The following FAM114A1 variants were observed in gnomAD, a reference collection of about 807,000 sequenced individuals.
FAM114A1 encodes the protein family with sequence similarity 114 member A1.
A neutral mutation model predicts 64.3 loss-of-function variants in FAM114A1; 62 were observed. The observed-to-expected ratio is 0.96, with a 90% CI of 0.79 to 1.19. FAM114A1 has a LOEUF of 1.19. FAM114A1 is among the 50% of genes most tolerant of loss of function. The pLI, the probability that FAM114A1 is intolerant of heterozygous loss-of-function variation, is 0.00. For synonymous variants in FAM114A1, 254 were observed against 251.1 expected (o/e 1.01, Z -0.11); for missense variants, 645 against 676.3 (o/e 0.95, Z 0.51).
chr4:38,890,750 C>CATTT (rs1716284620), intron 3 of FAM114A1, among the ~76,000 whole-genome samples: 1 of 152,162 alleles, frequency 6.6e-6, no homozygotes, highest in Non-Finnish European at 1.5e-5. Context: ...GAGTTTCAGC[C>CATTT]ATTTATTCAA....
At chr4:38,941,158 A>T in intron 14 of FAM114A1, 137 bp downstream of exon 14, 1 of 725,914 alleles carries the variant, frequency 1.4e-6, no homozygotes, top group Non-Finnish European at 2.3e-6. Context: ...TTTTGAGTAA[A>T]TTTGTGTAGC....
At position 38,922,834 on chromosome 4, in the gene FAM114A1, C is replaced by G. The variant is rs775662959; in HGVS notation, c.1010C>G (p.Ser337Cys). Residue 337 changes from serine (S) to cysteine (C), a missense_variant, in exon 9 of 15, where the codon TCC becomes TGC. Ser to Cys is a moderately radical substitution (Grantham distance 112, BLOSUM62 -1). Transcript: ENST00000358869. ...KLELLKNDLI[S>C]IKDIFAAKEL... is the part of the protein sequence containing the mutation. ...GAACTCTTAAAAAATGACCTAATTT[C>G]CATTAAAGACATCTTTGCAGCCAAA... 6.2e-7 allele frequency: 1 copy of G among 1,613,498 alleles called. No homozygotes were observed. The highest frequency in any genetic ancestry group is 8.5e-7 in the Non-Finnish European group (1 of 1,179,816).
At chr4:38,874,925 T>C (rs1714462209) in intron 2 of FAM114A1, among the ~76,000 whole-genome samples, 1 of 152,230 alleles carries the variant, frequency 6.6e-6, no homozygotes, top group Non-Finnish European at 1.5e-5. Context: ...ATTTATTGAA[T>C]AGGGAGTCCG....
At chr4:38,880,774 T>C (rs1715183716) in intron 3 of FAM114A1, among the ~76,000 whole-genome samples, 2 of 152,234 alleles carry the variant, frequency 1.3e-5, no homozygotes, top group Admixed American at 1.3e-4. Context: ...GCCACACCAT[T>C]ATCACCTAAG....
intron 4 of FAM114A1, among the ~76,000 whole-genome samples, chr4:38,901,168 A>G (rs1459519144): frequency 1.3e-5 from 2 of 152,240 alleles, no homozygotes; most frequent in Non-Finnish European, 2.9e-5. Flanking sequence ...ATCCTTTAGC[A>G]TATGGGACCA....
intron 8 of FAM114A1, among the ~76,000 whole-genome samples, chr4:38,915,741 AGTGGTGTGTGT>A (rs1302328376): frequency 7.4e-6 from 1 of 134,730 alleles, no homozygotes; most frequent in African/African-American, 2.9e-5. Flanking sequence ...AAGCATCTAT[AGTGGTGTGTGT>A]GTGTGTGTGT....
intron 4 of FAM114A1, 96 bp from the exon 5 acceptor site, chr4:38,905,426 C>A: frequency 1.1e-5 from 9 of 848,376 alleles, no homozygotes; most frequent in African/African-American, 3.4e-5. Flanking sequence ...GAAAGATGTA[C>A]TTCTGCAACT....
At chr4:38,940,165 G>T (rs1020688009) in intron 13 of FAM114A1, among the ~76,000 whole-genome samples, 3 of 152,124 alleles carry the variant, frequency 2.0e-5, no homozygotes, top group Admixed American at 1.3e-4. Flanking sequence ...TGCTGGGACT[G>T]CAGGCTTGAG....
At chr4:38,903,984 T>C (rs968166151) in intron 4 of FAM114A1, among the ~76,000 whole-genome samples, 1 of 152,208 alleles carries the variant, frequency 6.6e-6, no homozygotes, top group South Asian at 2.1e-4. Context: ...TGCTACTCTT[T>C]AGGTTTGGGA....
chr4:38,932,191 A>G (rs1720699021), intron 11 of FAM114A1, 44 bp from the exon 12 acceptor site: 2 of 1,559,360 alleles, frequency 1.3e-6, no homozygotes, highest in African/African-American at 1.4e-5. Context: ...TTAAAAAAGC[A>G]TCTGCTCAGT....
intron 3 of FAM114A1, among the ~76,000 whole-genome samples, chr4:38,890,368 A>G (rs1176505439): frequency 2.0e-5 from 3 of 147,418 alleles, no homozygotes. Context: ...GCACCACTGC[A>G]CTCCAGCCTG....
chr4:38,882,908 G>T (rs1397284835), intron 3 of FAM114A1, among the ~76,000 whole-genome samples: 1 of 152,220 alleles, frequency 6.6e-6, no homozygotes, highest in South Asian at 2.1e-4. Flanking sequence ...CAAGGAGGAG[G>T]CCACCTTTCT....
chr4:38,877,976 AAAAG>A, intron 2 of FAM114A1, 91 bp from the exon 3 acceptor site: 8 of 1,113,040 alleles, frequency 7.2e-6, no homozygotes, highest in South Asian at 4.9e-5. Flanking sequence ...AAAAAAAAAA[AAAAG>A]TTTTCCCCTA....
At chr4:38,887,359 C>G (rs1715923448) in intron 3 of FAM114A1, among the ~76,000 whole-genome samples, 1 of 152,164 alleles carries the variant, frequency 6.6e-6, no homozygotes, top group South Asian at 2.1e-4. Flanking sequence ...TTGATTTGGT[C>G]CTTTTTACCA....
chr4:38,903,635 A>G (rs1717715488), intron 4 of FAM114A1, among the ~76,000 whole-genome samples: 1 of 152,224 alleles, frequency 6.6e-6, no homozygotes, highest in African/African-American at 2.4e-5. Context: ...CCTCTAACTT[A>G]AATGTGTTAT....
Position 38,880,352 on chromosome 4 carries a change from T to G in FAM114A1, c.348+1926T>G, listed in dbSNP as rs117323378. On this transcript the variant is annotated intron_variant, in intron 3 of 14. Transcript: ENST00000358869. ...TTATGATTCTTTGAGTAAGTGGTCT[T>G]CAGTATCATTCCAGCTCTAAAATGC... Among the ~76,000 whole-genome samples the G allele has an allele frequency of 4.0e-4, 61 of 152,322 alleles. 1 individual carries two copies. In the East Asian group the frequency reaches 0.012, roughly 29 times the overall value.
chr4:38,934,700 T>C (rs2109796511), intron 12 of FAM114A1, among the ~76,000 whole-genome samples: 1 of 152,356 alleles, frequency 6.6e-6, no homozygotes, highest in South Asian at 2.1e-4. Flanking sequence ...GTTAAATATT[T>C]GTGTGTATCT....
chr4:38,931,482 A>T lies in FAM114A1; in HGVS notation c.1193A>T (p.Glu398Val), dbSNP rs1720630570. The change falls in exon 11 of 15, where the codon GAG (glutamate) becomes GTG (valine). Residue 398 changes from glutamate (E) to valine (V), a missense_variant. Physicochemically the swap from Glu to Val is moderately radical, Grantham distance 121. Coordinates refer to ENST00000358869, the MANE Select transcript of FAM114A1 (RefSeq NM_138389.4). Reference protein sequence around the residue: ...AMKRAHDWVEEDQTVVSVDVA... With the variant: ...AMKRAHDWVEVDQTVVSVDVA... ...AAGAGGGCTCATGACTGGGTGGAAG[A>T]GGATCAAACCGTGGTGTCAGTAGAT... 6.2e-7 allele frequency: 1 copy of T among 1,614,086 alleles called. No homozygotes were observed. Among genetic ancestry groups the T allele is most frequent in the Non-Finnish European group, 8.5e-7 (1 of 1,179,986 alleles).
intron 4 of FAM114A1, among the ~76,000 whole-genome samples, chr4:38,893,510 GTAAACACA>G (rs1264273669): frequency 1.3e-5 from 2 of 152,222 alleles, no homozygotes; most frequent in Non-Finnish European, 2.9e-5. Flanking sequence ...TCCTGCCACA[GTAAACACA>G]GAAATCATCT....
Sources: gnomAD v4.1 joint callset for allele counts (sites outside exome capture counted in the v4.1 genomes callset) on GRCh38, gnomAD v4.1.1 for gene constraint, MANE v1.5 for transcripts, NCBI Gene and HGNC (gene_info 2026-07-23, HGNC 2026-07-21) for gene names.